Variants in HTR1E observed in about 807,000 individuals in gnomAD.
The protein encoded by HTR1E is 5-HT-1E.
A neutral mutation model predicts 3.4 loss-of-function variants in HTR1E; 3 were observed. The observed-to-expected ratio is 0.89, with a 90% CI of 0.41 to 2.31. The LOEUF is 2.31. Among genes scored for constraint, HTR1E ranks in the 30% most tolerant of loss-of-function variants. The pLI, the probability that HTR1E is intolerant of heterozygous loss-of-function variation, is 0.05. For missense variants in HTR1E, 392 were observed against 467.0 expected, an observed-to-expected ratio of 0.84 and a Z score of 1.48; for synonymous variants, 170 against 182.8, an observed-to-expected ratio of 0.93 and a Z score of 0.56.
intron 1 of HTR1E, among the ~76,000 whole-genome samples, chr6:86,971,640 T>C (rs1276089220): frequency 3.9e-5 from 6 of 152,070 alleles, no homozygotes; most frequent in Non-Finnish European, 5.9e-5. Context: ...TCTGAGCATA[T>C]GTTAACTGGG....
In HTR1E at chr6:87,016,070, G is replaced by A; in HGVS notation, c.736G>A (p.Asp246Asn). 2.5e-6 allele frequency: 4 copies of A among 1,614,150 alleles called. No homozygotes were observed. The highest frequency in any genetic ancestry group is 3.4e-6 in the Non-Finnish European group (4 of 1,180,024). ...ACTTACACAGACTTTCTGTGTGTCTGACTTCTCCACCTCAGACCCTACCAC... is the reference window on the plus strand; with the variant it reads ...ACTTACACAGACTTTCTGTGTGTCTAACTTCTCCACCTCAGACCCTACCAC... ...CKLTQTFCVS[D>N]FSTSDPTTEF... The change falls in exon 2 of 2, where the codon GAC becomes AAC. Residue 246 changes from aspartate to asparagine, a missense_variant. Coordinates refer to ENST00000305344, the MANE Select transcript of HTR1E (RefSeq NM_000865.3).
At chr6:86,950,286 G>T (rs372902686) in intron 1 of HTR1E, among the ~76,000 whole-genome samples, 2 of 152,064 alleles carry the variant, frequency 1.3e-5, no homozygotes, top group African/African-American at 4.8e-5. Flanking sequence ...AATATTTTCA[G>T]ATATCTACAT....
intron 1 of HTR1E, among the ~76,000 whole-genome samples, chr6:86,988,159 C>A (rs1278939980): frequency 2.0e-5 from 3 of 152,146 alleles, no homozygotes; most frequent in Non-Finnish European, 2.9e-5. Flanking sequence ...GAATCTCATT[C>A]TTTCAGAATC....
intron 1 of HTR1E, among the ~76,000 whole-genome samples, chr6:86,971,882 C>T (rs1357998062): frequency 6.6e-6 from 1 of 152,076 alleles, no homozygotes; most frequent in Admixed American, 6.5e-5. Context: ...CAATGTTTAG[C>T]TCCCACTTAT....
At chr6:86,980,260 G>T (rs568211896) in intron 1 of HTR1E, among the ~76,000 whole-genome samples, 17 of 152,050 alleles carry the variant, frequency 1.1e-4, no homozygotes, top group African/African-American at 4.1e-4. Flanking sequence ...GGTGGCGGGC[G>T]CCTGTAGTCC....
At chr6:86,958,208 G>A (rs1047469770) in intron 1 of HTR1E, among the ~76,000 whole-genome samples, 5 of 151,914 alleles carry the variant, frequency 3.3e-5, no homozygotes, top group African/African-American at 7.3e-5. Flanking sequence ...ACAGGTGCCC[G>A]CCACCATGCC....
chr6:86,950,009 G>A (rs1767204569), intron 1 of HTR1E, among the ~76,000 whole-genome samples: 1 of 152,188 alleles, frequency 6.6e-6, no homozygotes, highest in Non-Finnish European at 1.5e-5. Flanking sequence ...CTGGCTTGGA[G>A]AGAACGTGGC....
At chr6:87,006,952 GA>G (rs1377569080) in intron 1 of HTR1E, among the ~76,000 whole-genome samples, 2 of 152,074 alleles carry the variant, frequency 1.3e-5, no homozygotes, top group African/African-American at 2.4e-5. Flanking sequence ...AAGAGCATTA[GA>G]AAAAAATAGC....
intron 1 of HTR1E, among the ~76,000 whole-genome samples, chr6:86,993,741 T>C (rs1767900560): frequency 6.6e-6 from 1 of 151,650 alleles, no homozygotes; most frequent in African/African-American, 2.4e-5. Flanking sequence ...TCTCATAATA[T>C]AATACCCAAA....
intron 1 of HTR1E, among the ~76,000 whole-genome samples, chr6:87,001,814 G>C (rs182606765): frequency 1.3e-5 from 2 of 152,246 alleles, no homozygotes; most frequent in African/African-American, 4.8e-5. Context: ...TTTAAGACCA[G>C]AAGGATCAAT....
At chr6:87,003,685 C>T (rs949471282) in intron 1 of HTR1E, among the ~76,000 whole-genome samples, 1 of 151,748 alleles carries the variant, frequency 6.6e-6, no homozygotes, top group Admixed American at 6.6e-5. Context: ...CTCAAATAAA[C>T]AACCTAATAA....
At chr6:86,964,456 A>G (rs911383817) in intron 1 of HTR1E, among the ~76,000 whole-genome samples, 1 of 152,226 alleles carries the variant, frequency 6.6e-6, no homozygotes, top group African/African-American at 2.4e-5. Flanking sequence ...TCTCAGTGTG[A>G]GACACAAGGA....
chr6:86,993,002 C>A (rs921138015), intron 1 of HTR1E, among the ~76,000 whole-genome samples: 5 of 152,112 alleles, frequency 3.3e-5, no homozygotes, highest in African/African-American at 1.2e-4. Context: ...CATGTCTCTG[C>A]CCTCCCCTAG....
chr6:87,001,045 AGTTT>A (rs1351085186), intron 1 of HTR1E, among the ~76,000 whole-genome samples: 1 of 152,230 alleles, frequency 6.6e-6, no homozygotes, highest in African/African-American at 2.4e-5. Flanking sequence ...TTTGCTTATT[AGTTT>A]ATTATTTATG....
chr6:87,000,251 G>A (rs1320580516), intron 1 of HTR1E: 3 of 152,398 alleles, frequency 2.0e-5, no homozygotes, highest in Non-Finnish European at 4.4e-5. Context: ...TGCCAGTTAT[G>A]GGACCTTGAC....
At chr6:86,952,617 A>C (rs1211821316) in intron 1 of HTR1E, among the ~76,000 whole-genome samples, 1 of 152,090 alleles carries the variant, frequency 6.6e-6, no homozygotes, top group Non-Finnish European at 1.5e-5. Flanking sequence ...CCCTTCCTAA[A>C]GGGGATAATC....
intron 1 of HTR1E, among the ~76,000 whole-genome samples, chr6:86,981,924 C>T (rs985821519): frequency 1.3e-5 from 2 of 152,230 alleles, no homozygotes; most frequent in African/African-American, 2.4e-5. Flanking sequence ...CTCTCAAACA[C>T]TTCCATTGGT....
In HTR1E at chr6:87,015,388, C is replaced by T. The variant is rs749925493; in HGVS notation, c.54C>T (p.Thr18=). The T allele has an allele frequency of 6.2e-7, 1 of 1,607,634 alleles. No individual in the cohort carries two copies. The highest frequency in any genetic ancestry group is 8.5e-7 in the Non-Finnish European group (1 of 1,176,234). The change falls in exon 2 of 2, where the codon ACC becomes ACT. Residue 18 remains threonine, a synonymous_variant. Transcript: ENST00000305344. ...TEASMAIRPK[T]ITEKMLICMT... The stretch of plus-strand genomic sequence containing the variant: ...CCAGCATGGCTATAAGACCCAAGAC[C>T]ATCACTGAGAAGATGCTCATTTGCA...
At chr6:86,995,680 A>G (rs1767930248) in intron 1 of HTR1E, among the ~76,000 whole-genome samples, 1 of 63,266 alleles carries the variant, frequency 1.6e-5, no homozygotes, top group Non-Finnish European at 4.4e-5. Flanking sequence ...AAAAAAAAAA[A>G]AAAAAAAGAA....
Sources: allele counts gnomAD v4.1 joint callset (sites outside exome capture counted in the v4.1 genomes callset), GRCh38; gene constraint gnomAD v4.1.1; transcripts MANE v1.5; gene names NCBI Gene and HGNC (gene_info 2026-07-23, HGNC 2026-07-21).